LRRIQ3: variants seen among roughly 807,000 people sequenced by gnomAD.
LRRIQ3 encodes leucine-rich repeat and IQ domain-containing protein 3.
In LRRIQ3, 75 loss-of-function variants were observed where a neutral mutation model predicts 59.3. The ratio of observed to expected loss-of-function variants is 1.26; its 90% CI spans 1.05 to 1.53. The LOEUF (loss-of-function observed/expected upper bound fraction) is 1.53, where lower values mean the gene tolerates loss of function less well. LRRIQ3 is among the 40% of genes most tolerant of loss of function. The pLI is 0.00. For missense variants in LRRIQ3, 831 were observed against 710.0 expected (o/e 1.17, Z -1.94); for synonymous variants, 250 against 231.3 (o/e 1.08, Z -0.73).
chr1:74,083,792 G>A (rs2100500934), intron 5 of LRRIQ3: 1 of 162,900 alleles, frequency 6.1e-6, no homozygotes, highest in Middle Eastern at 2.9e-3. Context: ...TTCATTCTAA[G>A]TAAGTGGTAA....
chr1:74,137,283 G>A (rs1647139194), intron 4 of LRRIQ3, among the ~76,000 whole-genome samples: 1 of 151,834 alleles, frequency 6.6e-6, no homozygotes, highest in South Asian at 2.1e-4. Flanking sequence ...TATAAAAATA[G>A]ATATGAACAG....
chr1:74,084,913 G>T (rs568260697), intron 5 of LRRIQ3, among the ~76,000 whole-genome samples: 1 of 151,688 alleles, frequency 6.6e-6, no homozygotes, highest in African/African-American at 2.4e-5. Flanking sequence ...CCACGGTACT[G>T]GTAACCCCCT....
At chr1:74,076,080 C>T (rs1400324577) in intron 5 of LRRIQ3, among the ~76,000 whole-genome samples, 1 of 152,038 alleles carries the variant, frequency 6.6e-6, no homozygotes, top group Non-Finnish European at 1.5e-5. Context: ...GGCCCGTTAC[C>T]ATGACAGAAG....
intron 3 of LRRIQ3, among the ~76,000 whole-genome samples, chr1:74,159,802 T>A (rs1648556303): frequency 1.3e-5 from 2 of 152,108 alleles, no homozygotes; most frequent in African/African-American, 4.8e-5. Flanking sequence ...TAAATAATTA[T>A]CTCCCTAACT....
In LRRIQ3 at chr1:74,027,036, G is replaced by A. The variant is rs115438112; in HGVS notation, c.1719-67C>T. 7,417 of 1,035,494 alleles carry A rather than the reference G, an allele frequency of 7.2e-3. 35 individuals are homozygous for A. Among genetic ancestry groups the A allele is most frequent in the Admixed American group, 9.1e-3 (349 of 38,308 alleles). The allele number at this position is 1,035,494 out of a possible 1,614,324, so 64.1% of individuals were successfully genotyped here. A position where few individuals can be genotyped will look rare whatever the true frequency, so the allele number is the denominator to read the frequency against. ...ATACTGAAACCATGGCAATCTATTA[G>A]ACTATTAATGATAATAATTAGATGT... is the stretch of plus-strand genomic sequence containing the variant. On this transcript the variant is annotated intron_variant, in intron 7 of 7. Transcript: ENST00000354431.
At chr1:74,080,735 G>T (rs779799119) in intron 5 of LRRIQ3, among the ~76,000 whole-genome samples, 2 of 151,606 alleles carry the variant, frequency 1.3e-5, no homozygotes, top group Non-Finnish European at 3.0e-5. Context: ...AAAAAGAGTC[G>T]CCTTTATTTG....
intron 5 of LRRIQ3, among the ~76,000 whole-genome samples, chr1:74,106,462 G>C (rs1646614745): frequency 6.6e-6 from 1 of 151,938 alleles, no homozygotes; most frequent in Non-Finnish European, 1.5e-5. Context: ...GCTCCCATGG[G>C]TGTGAGTATC....
chr1:74,061,959 G>C (rs1455213536), intron 6 of LRRIQ3, among the ~76,000 whole-genome samples: 2 of 152,112 alleles, frequency 1.3e-5, no homozygotes, highest in Non-Finnish European at 2.9e-5. Flanking sequence ...CCTTGAGCCT[G>C]GGAGGCTGAA....
At chr1:74,185,435 T>G (rs1331836284) in intron 1 of LRRIQ3, among the ~76,000 whole-genome samples, 1 of 152,212 alleles carries the variant, frequency 6.6e-6, no homozygotes, top group African/African-American at 2.4e-5. Flanking sequence ...ATTAGCCACA[T>G]GTATATCTTC....
chr1:74,086,584 C>T (rs1453506293), intron 5 of LRRIQ3, among the ~76,000 whole-genome samples: 2 of 152,022 alleles, frequency 1.3e-5, no homozygotes, highest in African/African-American at 4.8e-5. Context: ...ATTAATATAC[C>T]ATCACCTGTG....
chr1:74,151,920 A>C (rs1018921826), intron 4 of LRRIQ3, among the ~76,000 whole-genome samples: 5 of 152,162 alleles, frequency 3.3e-5, no homozygotes, highest in African/African-American at 1.2e-4. Flanking sequence ...AAATAAGAAA[A>C]GCTTTTTCTT....
At chr1:74,042,649 G>A (rs1283201632) in intron 6 of LRRIQ3, among the ~76,000 whole-genome samples, 1 of 152,096 alleles carries the variant, frequency 6.6e-6, no homozygotes, top group Non-Finnish European at 1.5e-5. Context: ...TGTCATATTT[G>A]CAAAGGGCAT....
intron 1 of LRRIQ3, among the ~76,000 whole-genome samples, chr1:74,194,887 C>A (rs917900205): frequency 6.6e-6 from 1 of 152,102 alleles, no homozygotes; most frequent in African/African-American, 2.4e-5. Context: ...CTTGACTCTA[C>A]TAATTTATAT....
chr1:74,173,178 T>G (rs1316365924), intron 3 of LRRIQ3, among the ~76,000 whole-genome samples: 1 of 151,552 alleles, frequency 6.6e-6, no homozygotes, highest in Non-Finnish European at 1.5e-5. Context: ...GCACCTATAG[T>G]TCCAGCTACT....
chr1:74,182,873 T>A lies in LRRIQ3; in HGVS notation c.250-12A>T. 1.5e-6 allele frequency: 2 copies of A among 1,353,524 alleles called. No homozygotes were observed. Among genetic ancestry groups the A allele is most frequent in the South Asian group, 1.9e-5 (1 of 53,986 alleles). 83.8% of individuals were successfully genotyped at this position (1,353,524 alleles called of 1,614,324 possible). ...GGTAGACTCTTTATCTGAAATATTA[T>A]TAAAAATCTTTTAAATTCCAAAATT... is the stretch of plus-strand genomic sequence containing the variant. On this transcript the variant is annotated splice_polypyrimidine_tract_variant and intron_variant, in intron 2 of 7. Transcript: ENST00000354431.
intron 3 of LRRIQ3, among the ~76,000 whole-genome samples, chr1:74,176,085 G>A (rs1649620564): frequency 6.6e-6 from 1 of 152,012 alleles, no homozygotes; most frequent in Non-Finnish European, 1.5e-5. Context: ...ATATTCCACA[G>A]CCTTCTTTTA....
At chr1:74,051,028 C>T (rs189674227) in intron 6 of LRRIQ3, among the ~76,000 whole-genome samples, 292 of 152,190 alleles carry the variant, frequency 1.9e-3, no homozygotes, top group Admixed American at 4.2e-3. Flanking sequence ...TAAAGCTCTC[C>T]TGGGGATTTA....
intron 3 of LRRIQ3, among the ~76,000 whole-genome samples, chr1:74,167,981 A>T (rs1649092732): frequency 6.6e-6 from 1 of 152,030 alleles, no homozygotes; most frequent in African/African-American, 2.4e-5. Flanking sequence ...TTTTAGGGAT[A>T]GTTGCTGATA....
rs144323449 is a variant in LRRIQ3, at chr1:74,057,706, C to A, written c.998-15773G>T. On this transcript the variant is annotated intron_variant, in intron 6 of 7. Transcript: ENST00000354431. ...GGCAAGGACTTTTTGAAATAGACTT[C>A]AAAGGCACAGGTAACAAAAGCAAAA... Among the ~76,000 whole-genome samples, 335 of 152,186 alleles carry A rather than the reference C, an allele frequency of 2.2e-3. 2 individuals carry two copies. Among genetic ancestry groups the A allele is most frequent in the African/African-American group, 7.8e-3 (323 of 41,532 alleles).
Sources: gnomAD v4.1 joint callset for allele counts (sites outside exome capture counted in the v4.1 genomes callset) on GRCh38, gnomAD v4.1.1 for gene constraint, MANE v1.5 for transcripts, NCBI Gene and HGNC (gene_info 2026-07-23, HGNC 2026-07-21) for gene names.